The following HGSNAT variants were observed in gnomAD, a reference collection of about 807,000 sequenced individuals.
The protein encoded by HGSNAT is heparan-alpha-glucosaminide N-acetyltransferase.
Under a neutral mutation model 85.2 loss-of-function variants are expected in HGSNAT, and 59 were observed. That is an observed-to-expected ratio of 0.69 (90% confidence interval 0.56 to 0.86). HGSNAT has a LOEUF of 0.86. Among genes scored for constraint, HGSNAT ranks in the 40% least tolerant of loss-of-function variants. The pLI is 0.00. For synonymous variants in HGSNAT, 321 were observed against 304.5 expected (o/e 1.05, Z -0.56); for missense variants, 756 against 777.1 (o/e 0.97, Z 0.32).
chr8:43,182,197 A>T lies in HGSNAT; in HGVS notation c.1065A>T (p.Thr355=), dbSNP rs778096062. The T allele has an allele frequency of 6.2e-7, 1 of 1,613,998 alleles. No homozygotes were observed. The highest frequency in any genetic ancestry group is 8.5e-7 in the Non-Finnish European group (1 of 1,179,900). Residue 355 remains threonine, a synonymous_variant, in exon 11 of 18, where the codon ACA becomes ACT. Coordinates refer to ENST00000379644, the MANE Select transcript of HGSNAT (RefSeq NM_152419.3). ...GTGTGCTGCAGCGATTGGGAGTGAC[A>T]TACTTTGTGGTTGCTGTGTTGGAGC... ...IPGVLQRLGV[T]YFVVAVLELL...
chr8:43,181,269 C>G (rs1008764900), intron 10 of HGSNAT, among the ~76,000 whole-genome samples: 3 of 149,436 alleles, frequency 2.0e-5, no homozygotes, highest in African/African-American at 7.4e-5. Flanking sequence ...TGCGGCAGTT[C>G]ACGAATCCAC....
At chr8:43,163,920 A>G (rs540539764) in intron 5 of HGSNAT, among the ~76,000 whole-genome samples, 1 of 152,322 alleles carries the variant, frequency 6.6e-6, no homozygotes, top group African/African-American at 2.4e-5. Flanking sequence ...AAAAAGAGAA[A>G]TTGCAAATGT....
In HGSNAT at chr8:43,201,100, C is replaced by T. The variant is rs1804904554; in HGVS notation, c.*1531C>T. 1 of 152,468 alleles carries T rather than the reference C, an allele frequency of 6.6e-6. No individual in the cohort carries two copies. Among genetic ancestry groups the T allele is most frequent in the Non-Finnish European group, 1.5e-5 (1 of 68,224 alleles). 9.4% of individuals were successfully genotyped at this position (152,468 alleles called of 1,614,324 possible). A position where few individuals can be genotyped will look rare whatever the true frequency, so the allele number is the denominator to read the frequency against. On this transcript the variant is annotated 3_prime_UTR_variant, in exon 18 of 18. Coordinates refer to ENST00000379644, the MANE Select transcript of HGSNAT (RefSeq NM_152419.3). The surrounding 1 kb of genome is among the most constrained non-coding windows in gnomAD (Gnocchi z 4.4). ...CAGTTCTGTCTCCATCTTCTACCTG[C>T]AGCTGCTCTGTTCTCATGGTCACTG...
rs1417665883 is a variant in HGSNAT at position 43,184,084 on chromosome 8, T to C, written c.1128+1824T>C. ...AAGTCTTTGCTATTGTGAATAGTGC[T>C]GCAATAAACATACGTGTGCATGTGT... is the stretch of plus-strand genomic sequence containing the variant. On this transcript the variant is annotated intron_variant, in intron 11 of 17. Transcript: ENST00000379644. Among the ~76,000 whole-genome samples, 56 of 152,242 alleles carry C rather than the reference T, an allele frequency of 3.7e-4. 1 individual carries two copies. Among genetic ancestry groups the C allele is most frequent in the Admixed American group, 3.1e-3 (48 of 15,282 alleles).
intron 14 of HGSNAT, chr8:43,196,431 G>A: frequency 7.8e-7 from 1 of 1,289,006 alleles, no homozygotes; most frequent in Non-Finnish European, 1.0e-6. Flanking sequence ...TCTTCCTAGT[G>A]CTGCCCAGAC....
At chr8:43,174,029 A>G (rs1028660525) in intron 9 of HGSNAT, 4 of 221,796 alleles carry the variant, frequency 1.8e-5, no homozygotes, top group African/African-American at 9.1e-5. Flanking sequence ...CAGCCTGGCC[A>G]ACATGGTGAA....
chr8:43,151,090 G>A (rs1563356804), intron 2 of HGSNAT, among the ~76,000 whole-genome samples: 1 of 152,060 alleles, frequency 6.6e-6, no homozygotes, highest in Non-Finnish European at 1.5e-5. Context: ...ATTTATGTGG[G>A]TCCCCAAAGT....
Position 43,158,625 on chromosome 8 carries a change from G to C in HGSNAT, c.285G>C (p.Lys95Asn). 1 of 1,613,998 alleles carries C rather than the reference G, an allele frequency of 6.2e-7. No homozygotes were observed. Among genetic ancestry groups the C allele is most frequent in the African/African-American group, 1.3e-5 (1 of 75,042 alleles). ...TTCCTCAGAGTCCAAAAGCAGGGAA[G>C]CCTAGTGCTGCAGCTGCCTCTGTCA... is the stretch of plus-strand genomic sequence containing the variant. ...VNVPQSPKAG[K>N]PSAAAASVST... Residue 95 changes from lysine to asparagine, a missense_variant, in exon 3 of 18, where the codon AAG becomes AAC. Lys to Asn is a moderately conservative substitution (Grantham distance 94, BLOSUM62 0). Coordinates refer to ENST00000379644, the MANE Select transcript of HGSNAT (RefSeq NM_152419.3).
At position 43,197,913 on chromosome 8, in the gene HGSNAT, G is replaced by A. The variant is rs761054871; in HGVS notation, c.1687G>A (p.Val563Met). The change falls in exon 17 of 18, where the codon GTG (valine) becomes ATG (methionine). Residue 563 changes from valine to methionine, a missense_variant. Physicochemically the swap from Val to Met is conservative, Grantham distance 21. Transcript: ENST00000379644. ...GCTGGTCCTGTACCCAGTTGTGGATGTGAAGGGGCTGTGGACAGGAACCCC... is the reference window on the plus strand; with the variant it reads ...GCTGGTCCTGTACCCAGTTGTGGATATGAAGGGGCTGTGGACAGGAACCCC... Reference protein sequence around the residue: ...ILLVLYPVVDVKGLWTGTPFF... With the variant: ...ILLVLYPVVDMKGLWTGTPFF... 7.6e-5 allele frequency: 123 copies of A among 1,613,854 alleles called. No homozygotes were observed. Among genetic ancestry groups the A allele is most frequent in the Non-Finnish European group, 9.7e-5 (115 of 1,179,856 alleles).
chr8:43,180,239 C>T (rs1435778138), intron 10 of HGSNAT: 2 of 131,030 alleles, frequency 1.5e-5, no homozygotes, highest in Non-Finnish European at 3.3e-5. Context: ...GGGGCTGACC[C>T]CCCCCACCTC....
intron 14 of HGSNAT, chr8:43,196,116 T>C: frequency 3.5e-6 from 1 of 284,470 alleles, no homozygotes; most frequent in South Asian, 3.3e-5. Context: ...GCTCTGCCAC[T>C]TCCCAGCTGG....
At chr8:43,163,415 C>T (rs528532003) in intron 5 of HGSNAT, among the ~76,000 whole-genome samples, 38 of 151,924 alleles carry the variant, frequency 2.5e-4, no homozygotes, top group Non-Finnish European at 2.4e-4. Context: ...CAGAAAAAGT[C>T]GAGAGAATAA....
intron 5 of HGSNAT, among the ~76,000 whole-genome samples, chr8:43,163,557 C>T (rs1803337174): frequency 6.7e-6 from 1 of 149,214 alleles, no homozygotes; most frequent in African/African-American, 2.5e-5. Context: ...GGTGGAGTCT[C>T]ACTCTGCCAC....
chr8:43,176,313 T>A (rs1031710977), intron 9 of HGSNAT, among the ~76,000 whole-genome samples: 1 of 152,212 alleles, frequency 6.6e-6, no homozygotes, highest in Non-Finnish European at 1.5e-5. Flanking sequence ...CTGTCCTTTC[T>A]CCAATGTGTG....
At chr8:43,140,727 GCCC>G (rs1337506058) in intron 1 of HGSNAT, 113 bp downstream of exon 1, 1 of 367,438 alleles carries the variant, frequency 2.7e-6, no homozygotes, top group Non-Finnish European at 4.1e-6. Context: ...GGCCGGAACC[GCCC>G]CCGTGGCCTG....
chr8:43,165,071 T>A (rs937929083), intron 5 of HGSNAT, among the ~76,000 whole-genome samples: 1 of 109,980 alleles, frequency 9.1e-6, no homozygotes, highest in Non-Finnish European at 2.0e-5. Flanking sequence ...TTTTTTTTTT[T>A]AGTAGAGATG....
At chr8:43,159,681 A>G (rs1246330065) in intron 4 of HGSNAT, among the ~76,000 whole-genome samples, 2 of 152,218 alleles carry the variant, frequency 1.3e-5, no homozygotes, top group African/African-American at 4.8e-5. Flanking sequence ...AGTGGAAAGA[A>G]ACTAGAAATA....
intron 13 of HGSNAT, among the ~76,000 whole-genome samples, chr8:43,192,762 A>G (rs78310188): frequency 1.3e-5 from 2 of 149,364 alleles, no homozygotes; most frequent in African/African-American, 4.9e-5. Context: ...CTCTGTAAGG[A>G]AAAAAAAAAC....
Position 43,177,508 on chromosome 8 carries a change from A to T in HGSNAT, c.852-566A>T, listed in dbSNP as rs183258062. ...AGGAGGCGGAGCTTGCAGTGAGCCG[A>T]GATCGTGCCATTGCACTCCAGTCTG... On this transcript the variant is annotated intron_variant, in intron 9 of 17. Coordinates refer to ENST00000379644, the MANE Select transcript of HGSNAT (RefSeq NM_152419.3). Among the ~76,000 whole-genome samples the T allele has an allele frequency of 5.2e-4, 76 of 146,204 alleles. 2 individuals carry two copies. In the East Asian group the frequency reaches 0.014, roughly 27 times the overall value.
Sources: allele counts gnomAD v4.1 joint callset (sites outside exome capture counted in the v4.1 genomes callset), GRCh38; gene constraint gnomAD v4.1.1; non-coding constraint Gnocchi (gnomAD v3.1); transcripts MANE v1.5; gene names NCBI Gene and HGNC (gene_info 2026-07-23, HGNC 2026-07-21).